The following PI4K2B variants were observed in gnomAD, a reference collection of about 807,000 sequenced individuals.
The protein encoded by PI4K2B is phosphatidylinositol 4-kinase type 2-beta.
PI4K2B carries 46 observed loss-of-function variants against 56.6 expected under a neutral mutation model. The ratio of observed to expected loss-of-function variants is 0.81; its 90% CI spans 0.64 to 1.04. The LOEUF (loss-of-function observed/expected upper bound fraction) is 1.04. Ranked by LOEUF, PI4K2B falls within the 50% of genes least tolerant of loss-of-function variation. The pLI is 0.00. For missense variants in PI4K2B, 556 were observed against 607.7 expected, an observed-to-expected ratio of 0.91 and a Z score of 0.89; for synonymous variants, 211 against 223.8, an observed-to-expected ratio of 0.94 and a Z score of 0.51.
chr4:25,255,399 T>A (rs987224962), intron 3 of PI4K2B, 134 bp downstream of exon 3: 15 of 680,508 alleles, frequency 2.2e-5, no homozygotes, highest in Non-Finnish European at 3.8e-5. Context: ...GAGTCATGAG[T>A]GACTGGTAAC....
chr4:25,234,489 C>G (rs375809190), intron 1 of PI4K2B, 58 bp downstream of exon 1: 1 of 1,173,038 alleles, frequency 8.5e-7, no homozygotes, highest in Middle Eastern at 3.2e-4. Flanking sequence ...CCCTGTCGCC[C>G]GGCTCGGTCC....
intron 7 of PI4K2B, chr4:25,268,004 T>C (rs1475583921): frequency 3.7e-6 from 1 of 269,858 alleles, no homozygotes; most frequent in East Asian, 1.8e-4. Flanking sequence ...GAGAATCCCT[T>C]GAGTCCAGAA....
intron 1 of PI4K2B, among the ~76,000 whole-genome samples, chr4:25,243,291 C>T (rs1715609953): frequency 6.6e-6 from 1 of 152,218 alleles, no homozygotes; most frequent in Admixed American, 6.5e-5. Context: ...GGCAGTGCAC[C>T]TTCCAGTGAT....
chr4:25,258,548 CAAAG>C (rs1716342189), intron 4 of PI4K2B: 2 of 474,678 alleles, frequency 4.2e-6, no homozygotes, highest in Admixed American at 6.8e-5. Context: ...ATTTAGAATT[CAAAG>C]AAAGAGTCTT....
At chr4:25,234,556 G>A in intron 1 of PI4K2B, 125 bp downstream of exon 1, 1 of 652,760 alleles carries the variant, frequency 1.5e-6, no homozygotes, top group Non-Finnish European at 2.2e-6. Flanking sequence ...CTGGGCAGCA[G>A]CTCCCGAGCT....
At chr4:25,260,065 G>A (rs532868131) in intron 5 of PI4K2B, among the ~76,000 whole-genome samples, 9 of 152,098 alleles carry the variant, frequency 5.9e-5, no homozygotes, top group South Asian at 2.1e-4. Flanking sequence ...TTTTGGAAAC[G>A]AATCAAATAA....
intron 1 of PI4K2B, among the ~76,000 whole-genome samples, chr4:25,241,036 A>C (rs113926047): frequency 0.012 from 1,847 of 152,080 alleles, 55 homozygotes; most frequent in African/African-American, 0.042. Flanking sequence ...TGGCAGTGTA[A>C]GACTGCCACC....
intron 9 of PI4K2B, among the ~76,000 whole-genome samples, chr4:25,275,817 A>G (rs754204493): frequency 2.0e-5 from 3 of 152,124 alleles, no homozygotes; most frequent in African/African-American, 4.8e-5. Context: ...AAAATCATCT[A>G]GTTTGGCCAG....
intron 1 of PI4K2B, among the ~76,000 whole-genome samples, chr4:25,239,029 C>T (rs542224814): frequency 6.6e-6 from 1 of 152,284 alleles, no homozygotes; most frequent in South Asian, 2.1e-4. Context: ...TCTCCAAGTC[C>T]CCACTAGATT....
At chr4:25,268,324 A>G (rs1004674198) in intron 7 of PI4K2B, 119 bp from the exon 8 acceptor site, 1 of 776,714 alleles carries the variant, frequency 1.3e-6, no homozygotes, top group Non-Finnish European at 2.1e-6. Flanking sequence ...ACTCTGATTA[A>G]GTTCTTATCC....
At chr4:25,262,367 T>C (rs1716511402) in intron 6 of PI4K2B, among the ~76,000 whole-genome samples, 1 of 152,070 alleles carries the variant, frequency 6.6e-6, no homozygotes, top group Non-Finnish European at 1.5e-5. Context: ...TAAAGATAAT[T>C]AAATAACATA....
chr4:25,250,213 G>T (rs1162594551), intron 1 of PI4K2B, among the ~76,000 whole-genome samples: 1 of 152,184 alleles, frequency 6.6e-6, no homozygotes, highest in African/African-American at 2.4e-5. Flanking sequence ...ACCGTGCAAA[G>T]AAGAGGGAGA....
intron 9 of PI4K2B, among the ~76,000 whole-genome samples, chr4:25,270,314 C>T (rs1716834276): frequency 2.0e-5 from 3 of 152,172 alleles, no homozygotes; most frequent in South Asian, 2.1e-4. Flanking sequence ...CCCTGACCCC[C>T]CTTTCCTCTT....
intron 9 of PI4K2B, among the ~76,000 whole-genome samples, chr4:25,272,144 TA>T (rs35829522): frequency 3.1e-3 from 430 of 140,846 alleles, no homozygotes; most frequent in Middle Eastern, 3.6e-3. Context: ...GACCTTGTCT[TA>T]AAAAAAAAAA....
intron 9 of PI4K2B, among the ~76,000 whole-genome samples, chr4:25,272,988 A>C (rs1166716120): frequency 6.6e-6 from 1 of 152,176 alleles, no homozygotes; most frequent in Non-Finnish European, 1.5e-5. Flanking sequence ...TCTCCCTTCC[A>C]ATTTTGCTTA....
At chr4:25,275,493 G>C (rs1717061815) in intron 9 of PI4K2B, among the ~76,000 whole-genome samples, 1 of 151,974 alleles carries the variant, frequency 6.6e-6, no homozygotes, top group South Asian at 2.1e-4. Flanking sequence ...GCGAAACCCT[G>C]TCTCTCCACA....
chr4:25,254,294 A>G (rs1031124581), intron 2 of PI4K2B: 3 of 314,762 alleles, frequency 9.5e-6, no homozygotes, highest in African/African-American at 4.5e-5. Flanking sequence ...ATTAGAATGT[A>G]CATTAATGTG....
At chr4:25,236,951 C>A (rs916377581) in intron 1 of PI4K2B, among the ~76,000 whole-genome samples, 1 of 152,202 alleles carries the variant, frequency 6.6e-6, no homozygotes, top group Non-Finnish European at 1.5e-5. Flanking sequence ...CCATTAACTT[C>A]ATTTGTCCTT....
At chr4:25,250,279 A>T (rs1204811066) in intron 1 of PI4K2B, among the ~76,000 whole-genome samples, 3 of 152,158 alleles carry the variant, frequency 2.0e-5, no homozygotes. Flanking sequence ...AAAGAACGAG[A>T]TCATGTCCTT....
Sources: allele counts gnomAD v4.1 joint callset (sites outside exome capture counted in the v4.1 genomes callset), GRCh38; gene constraint gnomAD v4.1.1; transcripts MANE v1.5; gene names NCBI Gene and HGNC (gene_info 2026-07-23, HGNC 2026-07-21).